Variants in AGAP1 observed in about 807,000 individuals in gnomAD.
AGAP1 encodes the protein ArfGAP with GTPase domain, ankyrin repeat and PH domain 1.
Under a neutral mutation model 105.3 loss-of-function variants are expected in AGAP1, and 29 were observed. The observed-to-expected ratio is 0.28, with a 90% CI of 0.21 to 0.38. The LOEUF is 0.38. Among genes scored for constraint, AGAP1 ranks in the 10% least tolerant of loss-of-function variants. The pLI is 1.00. For missense variants in AGAP1, 998 were observed against 1,165.1 expected (o/e 0.86, Z 2.09); for synonymous variants, 509 against 485.9 (o/e 1.05, Z -0.63).
At chr2:235,656,504 A>G (rs1182634724) in intron 1 of AGAP1, among the ~76,000 whole-genome samples, 2 of 152,016 alleles carry the variant, frequency 1.3e-5, no homozygotes, top group African/African-American at 4.8e-5. Flanking sequence ...ACTCATTCCG[A>G]TTACCTGCTA....
Position 235,639,557 on chromosome 2 carries a change from G to A in AGAP1, c.164-69622G>A, listed in dbSNP as rs1358007902. 6.6e-6 allele frequency among the ~76,000 whole-genome samples: 1 copy of A among 152,142 alleles called. No individual in the cohort carries two copies. The highest frequency in any genetic ancestry group is 6.5e-5 in the Admixed American group (1 of 15,270). ...ACATCGTGGGATGATCTCATGGTGG[G>A]TGGGACTTGTCGCCGTCATGCACTC... On this transcript the variant is annotated intron_variant, in intron 1 of 17. Coordinates refer to ENST00000304032, the MANE Select transcript of AGAP1 (RefSeq NM_001037131.3). The surrounding 1 kb of genome is among the most constrained non-coding windows in gnomAD (Gnocchi z 5.3).
rs1234671711 is a variant in AGAP1 at position 235,553,100 on chromosome 2, C to T, written c.163+58251C>T. 6.6e-6 allele frequency among the ~76,000 whole-genome samples: 1 copy of T among 152,206 alleles called. No homozygotes were observed. The highest frequency in any genetic ancestry group is 1.5e-5 in the Non-Finnish European group (1 of 68,030). On this transcript the variant is annotated intron_variant, in intron 1 of 17. Transcript: ENST00000304032. The surrounding 1 kb of genome is among the most constrained non-coding windows in gnomAD (Gnocchi z 4.5). ...AGCATTAATACTATAACTGAATATA[C>T]AGTCAGCTACTCACCACTCGAAAGC...
rs1947737297 is a variant in AGAP1 at position 235,655,307 on chromosome 2, T to C, written c.164-53872T>C. ...TTTCGTAGCCTGGTATATGCATTCC[T>C]TGTGGTGTGTATTAATAAATTGAGT... is the stretch of plus-strand genomic sequence containing the variant. On this transcript the variant is annotated intron_variant, in intron 1 of 17. Transcript: ENST00000304032. The surrounding 1 kb of genome is among the most constrained non-coding windows in gnomAD (Gnocchi z 4.3). Among the ~76,000 whole-genome samples the C allele has an allele frequency of 6.6e-6, 1 of 152,214 alleles. No individual in the cohort carries two copies. Among genetic ancestry groups the C allele is most frequent in the African/African-American group, 2.4e-5 (1 of 41,458 alleles).
Position 235,867,915 on chromosome 2 carries a change from C to A in AGAP1, c.1051-15430C>A, listed in dbSNP as rs1335820658. Among the ~76,000 whole-genome samples the A allele has an allele frequency of 6.6e-6, 1 of 151,990 alleles. No individual in the cohort carries two copies. Among genetic ancestry groups the A allele is most frequent in the Non-Finnish European group, 1.5e-5 (1 of 68,002 alleles). On this transcript the variant is annotated intron_variant, in intron 9 of 17. Transcript: ENST00000304032. This position sits in a 1 kb window ranked among gnomAD's most constrained non-coding sequence, Gnocchi z 5.4. ...TGCGCTTCTCTAGTTTTATTGAGGT[C>A]AGTTTGGTTCCTGTCAGCCACAGTT...
At chr2:236,088,340 C>G (rs1028007542) in intron 16 of AGAP1, among the ~76,000 whole-genome samples, 1 of 152,252 alleles carries the variant, frequency 6.6e-6, no homozygotes, top group African/African-American at 2.4e-5. Flanking sequence ...AGCTCCAGCT[C>G]TGCTGGAAAG....
chr2:235,915,394 G>T (rs2051823761), intron 11 of AGAP1, among the ~76,000 whole-genome samples: 1 of 152,220 alleles, frequency 6.6e-6, no homozygotes, highest in South Asian at 2.1e-4. Flanking sequence ...CACGTGTTTG[G>T]CCCAGCGCAG....
Position 236,073,246 on chromosome 2 carries a change from C to T in AGAP1, c.2114+23965C>T, listed in dbSNP as rs1181142041. On this transcript the variant is annotated intron_variant, in intron 16 of 17. Coordinates refer to ENST00000304032, the MANE Select transcript of AGAP1 (RefSeq NM_001037131.3). The surrounding 1 kb of genome is among the most constrained non-coding windows in gnomAD (Gnocchi z 5.4). The stretch of plus-strand genomic sequence containing the variant: ...TCCTGACCTCGTGAACCACCCGCCT[C>T]GGCCTCCCAAAGTGCTGGGATTACA... Among the ~76,000 whole-genome samples the T allele has an allele frequency of 6.6e-6, 1 of 151,940 alleles. No individual in the cohort carries two copies. Among genetic ancestry groups the T allele is most frequent in the Admixed American group, 6.6e-5 (1 of 15,258 alleles).
chr2:235,669,434 C>T (rs962401077), intron 1 of AGAP1, among the ~76,000 whole-genome samples: 1 of 151,846 alleles, frequency 6.6e-6, no homozygotes, highest in African/African-American at 2.4e-5. Flanking sequence ...GGGCTGGGCC[C>T]CTCGGAGGCT....
intron 5 of AGAP1, among the ~76,000 whole-genome samples, chr2:235,746,624 A>C (rs1310212240): frequency 2.6e-5 from 4 of 151,832 alleles, no homozygotes; most frequent in African/African-American, 9.7e-5. Flanking sequence ...TCGTGTTTTA[A>C]AGTGGATGCT....
Position 235,552,562 on chromosome 2 carries a change from G to T in AGAP1, c.163+57713G>T, listed in dbSNP as rs770269936. The stretch of plus-strand genomic sequence containing the variant: ...TTCAGTTGCCCTCATGAGCTCACCC[G>T]CAATGTGTGTAGGGGGATGCTGCTC... On this transcript the variant is annotated intron_variant, in intron 1 of 17. Coordinates refer to ENST00000304032, the MANE Select transcript of AGAP1 (RefSeq NM_001037131.3). The surrounding 1 kb of genome is among the most constrained non-coding windows in gnomAD (Gnocchi z 5.9). Among the ~76,000 whole-genome samples the T allele has an allele frequency of 6.6e-6, 1 of 152,122 alleles. No homozygotes were observed. Among genetic ancestry groups the T allele is most frequent in the Non-Finnish European group, 1.5e-5 (1 of 68,030 alleles).
intron 6 of AGAP1, among the ~76,000 whole-genome samples, chr2:235,763,204 G>A (rs545056855): frequency 2.0e-5 from 3 of 152,124 alleles, no homozygotes; most frequent in South Asian, 2.1e-4. Flanking sequence ...TCCAAAATCC[G>A]AAATGTTTTG....
At position 235,559,828 on chromosome 2, in the gene AGAP1, T is replaced by C. The variant is rs1944090887; in HGVS notation, c.163+64979T>C. 6.6e-6 allele frequency among the ~76,000 whole-genome samples: 1 copy of C among 152,152 alleles called. No homozygotes were observed. The highest frequency in any genetic ancestry group is 2.1e-4 in the South Asian group (1 of 4,822). On this transcript the variant is annotated intron_variant, in intron 1 of 17. Transcript: ENST00000304032. The surrounding 1 kb of genome is among the most constrained non-coding windows in gnomAD (Gnocchi z 5.7). The stretch of plus-strand genomic sequence containing the variant: ...ATACCTATTCAAATCTTTTGACTGT[T>C]TTTAAATTGAGTCTTTTTATTGTTG...
chr2:235,850,869 A>G (rs1364386132), intron 9 of AGAP1, among the ~76,000 whole-genome samples: 1 of 152,220 alleles, frequency 6.6e-6, no homozygotes, highest in Non-Finnish European at 1.5e-5. Context: ...ATGGGTTTCC[A>G]GGTCCAAGTC....
At chr2:235,565,511 C>G (rs78657750) in intron 1 of AGAP1, among the ~76,000 whole-genome samples, 3,786 of 152,132 alleles carry the variant, frequency 0.025, 163 homozygotes, top group African/African-American at 0.087. Flanking sequence ...AAAGGTGGGG[C>G]GGGGCTCACA....
intron 1 of AGAP1, chr2:235,670,863 G>T: frequency 7.2e-7 from 1 of 1,383,166 alleles, no homozygotes; most frequent in Non-Finnish European, 9.3e-7. Flanking sequence ...GCGGCGGCCG[G>T]GGCCGGCGCG....
Position 236,078,037 on chromosome 2 carries a change from T to TTGGGTG in AGAP1, c.2114+28758_2114+28759insGGTGTG, listed in dbSNP as rs1553564115. ...AGGGTTCTCCAGAGAAACAACCAATTTGTGTGTGTGTGTGTGTGTGTGTGT... is the reference window on the plus strand; with the variant it reads ...AGGGTTCTCCAGAGAAACAACCAATTTGGGTGTGTGTGTGTGTGTGTGTGTGTGTGT... On this transcript the variant is annotated intron_variant, in intron 16 of 17. Transcript: ENST00000304032. This position sits in a 1 kb window ranked among gnomAD's most constrained non-coding sequence, Gnocchi z 5.3. 7.1e-6 allele frequency among the ~76,000 whole-genome samples: 1 copy of TTGGGTG among 140,414 alleles called. No individual in the cohort carries two copies. The highest frequency in any genetic ancestry group is 7.2e-5 in the Admixed American group (1 of 13,962). The allele number at this position is 140,414 out of a possible 152,430, so 92.1% of individuals were successfully genotyped here.
intron 3 of AGAP1, among the ~76,000 whole-genome samples, chr2:235,735,170 A>G (rs1315917755): frequency 6.6e-6 from 1 of 152,242 alleles, no homozygotes; most frequent in Non-Finnish European, 1.5e-5. Flanking sequence ...ATGGCGTTGG[A>G]AGGCACACTG....
Position 236,035,179 on chromosome 2 carries a change from G to A in AGAP1, c.1646-1382G>A, listed in dbSNP as rs755782415. ...AGACATGAGCCAGCCCAATGGCCAC[G>A]GGCTGGTGACAGAGATAAGTAAAGT... is the stretch of plus-strand genomic sequence containing the variant. On this transcript the variant is annotated intron_variant, in intron 13 of 17. Transcript: ENST00000304032. This position sits in a 1 kb window ranked among gnomAD's most constrained non-coding sequence, Gnocchi z 4.2. Among the ~76,000 whole-genome samples the A allele has an allele frequency of 3.9e-5, 6 of 152,172 alleles. No homozygotes were observed. Among genetic ancestry groups the A allele is most frequent in the African/African-American group, 1.4e-4 (6 of 41,436 alleles).
intron 1 of AGAP1, among the ~76,000 whole-genome samples, chr2:235,643,720 G>A (rs1027687915): frequency 1.3e-5 from 2 of 151,928 alleles, no homozygotes; most frequent in Admixed American, 1.3e-4. Flanking sequence ...ATCCATCTGA[G>A]CAAAACCCTG....
Sources: allele counts gnomAD v4.1 joint callset (sites outside exome capture counted in the v4.1 genomes callset), GRCh38; gene constraint gnomAD v4.1.1; non-coding constraint Gnocchi (gnomAD v3.1); transcripts MANE v1.5; gene names NCBI Gene and HGNC (gene_info 2026-07-23, HGNC 2026-07-21).